Variants in SYT1 observed in about 807,000 individuals in gnomAD.
SYT1 encodes the protein synaptotagmin-1.
Under a neutral mutation model 44.8 loss-of-function variants are expected in SYT1, and 8 were observed. The ratio of observed to expected loss-of-function variants is 0.18; its 90% confidence interval spans 0.10 to 0.32. The LOEUF (loss-of-function observed/expected upper bound fraction) is 0.32, where lower values mean the gene tolerates loss of function less well. SYT1 is among the 10% of genes least tolerant of loss of function. The pLI is 1.00. For missense variants in SYT1, 286 were observed against 509.3 expected, an observed-to-expected ratio of 0.56 and a Z score of 4.22; for synonymous variants, 154 against 188.8, an observed-to-expected ratio of 0.82 and a Z score of 1.51.
chr12:79,337,985 G>C (rs927134337), intron 8 of SYT1, among the ~76,000 whole-genome samples: 2 of 152,192 alleles, frequency 1.3e-5, no homozygotes, highest in African/African-American at 2.4e-5. Flanking sequence ...CCAGAAAACC[G>C]AGGACATGTG....
chr12:79,423,409 T>A (rs1177695477), intron 9 of SYT1, among the ~76,000 whole-genome samples: 1 of 152,120 alleles, frequency 6.6e-6, no homozygotes, highest in Non-Finnish European at 1.5e-5. Flanking sequence ...AGGCCTCAAC[T>A]AGTTCTTTTA....
intron 4 of SYT1, among the ~76,000 whole-genome samples, chr12:79,218,141 A>T (rs901430964): frequency 6.6e-6 from 1 of 152,068 alleles, no homozygotes; most frequent in Non-Finnish European, 1.5e-5. Flanking sequence ...GTTATTTTTT[A>T]AAGTTTCCTT....
intron 1 of SYT1, among the ~76,000 whole-genome samples, chr12:78,884,416 GT>G (rs1050141438): frequency 6.6e-6 from 1 of 151,446 alleles, no homozygotes; most frequent in African/African-American, 2.4e-5. Context: ...TGATAATTTA[GT>G]TTTTTTCTAG....
At chr12:79,199,038 C>T (rs1873626751) in intron 3 of SYT1, among the ~76,000 whole-genome samples, 1 of 152,166 alleles carries the variant, frequency 6.6e-6, no homozygotes, top group Non-Finnish European at 1.5e-5. Context: ...TTTCAGACTT[C>T]CTTCACTGAG....
chr12:79,160,654 T>C (rs180685009), intron 3 of SYT1, among the ~76,000 whole-genome samples: 1 of 152,190 alleles, frequency 6.6e-6, no homozygotes, highest in Admixed American at 6.5e-5. Flanking sequence ...ATATGCTATG[T>C]TGAAAGTGCT....
intron 9 of SYT1, among the ~76,000 whole-genome samples, chr12:79,389,019 G>T (rs1884550882): frequency 1.3e-5 from 2 of 152,104 alleles, no homozygotes; most frequent in Non-Finnish European, 2.9e-5. Flanking sequence ...GTTATCCCAT[G>T]ATGTTTAGAA....
At chr12:79,224,751 TTTATTA>T (rs201728926) in intron 4 of SYT1, among the ~76,000 whole-genome samples, 2,492 of 23,882 alleles carry the variant, frequency 0.1, 42 homozygotes, top group East Asian at 0.27. Flanking sequence ...TTATTTATTT[TTTATTA>T]TTATTATTAT....
intron 2 of SYT1, among the ~76,000 whole-genome samples, chr12:79,017,663 T>C (rs1871895401): frequency 6.6e-6 from 1 of 151,636 alleles, no homozygotes; most frequent in Non-Finnish European, 1.5e-5. Context: ...GAGGAAGAGG[T>C]TGGAAATATA....
rs568304406 is a variant in SYT1 at position 79,388,405 on chromosome 12, A to G, written c.928+34786A>G. Among the ~76,000 whole-genome samples the G allele has an allele frequency of 5.3e-5, 8 of 152,258 alleles. No homozygotes were observed. In the East Asian group the frequency reaches 5.8e-4, roughly 11 times the overall value. On this transcript the variant is annotated intron_variant, in intron 9 of 10. Coordinates refer to ENST00000261205, the MANE Select transcript of SYT1 (RefSeq NM_005639.3). ...GTGTTTGAAAAAGTGTTTTCAAATA[A>G]AATACTTGGCCAGTCACAGTGGCTC...
At chr12:79,189,928 A>T (rs928731750) in intron 3 of SYT1, among the ~76,000 whole-genome samples, 1 of 152,128 alleles carries the variant, frequency 6.6e-6, no homozygotes, top group African/African-American at 2.4e-5. Context: ...AAATAACTTA[A>T]ATAAGCACAC....
Position 79,172,489 on chromosome 12 carries a change from G to A in SYT1, c.-17-45014G>A, listed in dbSNP as rs192752690. Among the ~76,000 whole-genome samples the A allele has an allele frequency of 3.5e-3, 526 of 151,998 alleles. 2 individuals carry two copies. Among genetic ancestry groups the A allele is most frequent in the Middle Eastern group, 6.8e-3 (2 of 292 alleles). On this transcript the variant is annotated intron_variant, in intron 3 of 10. Coordinates refer to ENST00000261205, the MANE Select transcript of SYT1 (RefSeq NM_005639.3). ...AGGCCTTGGCAATTGGAAAATATTA[G>A]TTAAATCTTTTTTGAGCTTTTTGCT... is the stretch of plus-strand genomic sequence containing the variant.
rs146518929 is a variant in SYT1 at position 79,154,250 on chromosome 12, A to C, written c.-17-63253A>C. On this transcript the variant is annotated intron_variant, in intron 3 of 10. Transcript: ENST00000261205. ...AATTTCAGAAGCTCTAAAATTTCAG[A>C]AATCACAAGAAAACTATTATTTTAG... Among the ~76,000 whole-genome samples, 11 of 152,282 alleles carry C rather than the reference A, an allele frequency of 7.2e-5. No individual in the cohort carries two copies. The East Asian group carries it at 2.1e-3, about 29-fold the overall frequency.
chr12:79,106,449 A>C (rs1239383134), intron 3 of SYT1, among the ~76,000 whole-genome samples: 1 of 152,060 alleles, frequency 6.6e-6, no homozygotes, highest in Non-Finnish European at 1.5e-5. Context: ...ATTTTAACTC[A>C]GATATTCAGT....
intron 8 of SYT1, among the ~76,000 whole-genome samples, chr12:79,339,980 T>C (rs1348914591): frequency 6.6e-6 from 1 of 152,170 alleles, no homozygotes; most frequent in African/African-American, 2.4e-5. Flanking sequence ...CAGATGGTTG[T>C]AGATGTGTGG....
intron 10 of SYT1, among the ~76,000 whole-genome samples, chr12:79,448,207 C>G (rs1350017374): frequency 6.6e-6 from 1 of 152,052 alleles, no homozygotes; most frequent in Non-Finnish European, 1.5e-5. Flanking sequence ...CCCGTGTAGC[C>G]TAAACTGATA....
chr12:78,939,776 T>A (rs1878253055), intron 1 of SYT1, among the ~76,000 whole-genome samples: 1 of 152,184 alleles, frequency 6.6e-6, no homozygotes, highest in Admixed American at 6.5e-5. Context: ...CATGAAACTA[T>A]CTTCTACAGT....
intron 1 of SYT1, among the ~76,000 whole-genome samples, chr12:78,880,387 C>T (rs1874387788): frequency 6.6e-6 from 1 of 151,568 alleles, no homozygotes; most frequent in Non-Finnish European, 1.5e-5. Flanking sequence ...ATATCTCCTC[C>T]CACTTCCCTA....
At chr12:79,386,756 T>A (rs923153106) in intron 9 of SYT1, among the ~76,000 whole-genome samples, 1 of 152,208 alleles carries the variant, frequency 6.6e-6, no homozygotes, top group African/African-American at 2.4e-5. Flanking sequence ...CCTGAAGTTA[T>A]TAGTTTCCAA....
intron 4 of SYT1, among the ~76,000 whole-genome samples, chr12:79,232,066 T>C (rs1454798730): frequency 6.6e-6 from 1 of 152,184 alleles, no homozygotes; most frequent in Non-Finnish European, 1.5e-5. Context: ...TGATATAATT[T>C]CTCTGTAAAA....
Sources: allele counts gnomAD v4.1 joint callset (sites outside exome capture counted in the v4.1 genomes callset), GRCh38; gene constraint gnomAD v4.1.1; transcripts MANE v1.5; gene names NCBI Gene and HGNC (gene_info 2026-07-23, HGNC 2026-07-21).